MAP2: variants seen among roughly 807,000 people sequenced by gnomAD.
MAP2 encodes the protein microtubule associated protein 2, also known as microtubule-associated protein 2.
Under a neutral mutation model 137.6 loss-of-function variants are expected in MAP2, and 14 were observed. That is an observed-to-expected ratio of 0.10 (90% CI 0.07 to 0.16). The LOEUF is 0.16. Among genes scored for constraint, MAP2 ranks in the 10% least tolerant of loss-of-function variants. The pLI, the probability that MAP2 is intolerant of heterozygous loss-of-function variation, is 1.00. For missense variants in MAP2, 2,088 were observed against 2,191.5 expected (o/e 0.95, Z 0.94); for synonymous variants, 786 against 782.3 (o/e 1.00, Z -0.08).
intron 13 of MAP2, among the ~76,000 whole-genome samples, chr2:209,712,286 T>C (rs1407630542): frequency 2.0e-5 from 3 of 152,086 alleles, no homozygotes; most frequent in Non-Finnish European, 2.9e-5. Flanking sequence ...TCTCATACTT[T>C]TGAGCTGAAC....
At position 209,710,034 on chromosome 2, in the gene MAP2, G is replaced by T; in HGVS notation, c.4853G>T (p.Gly1618Val). 1 of 1,613,892 alleles carries T rather than the reference G, an allele frequency of 6.2e-7. No individual in the cohort carries two copies. The highest frequency in any genetic ancestry group is 8.5e-7 in the Non-Finnish European group (1 of 1,179,982). ...TCTTCACGCACACCAGGCACTCCTGGAACCCCTAGCTATCCCAGGACCCCT... is the reference window on the plus strand; with the variant it reads ...TCTTCACGCACACCAGGCACTCCTGTAACCCCTAGCTATCCCAGGACCCCT... ...SYSSRTPGTP[G>V]TPSYPRTPHT... Residue 1618 changes from glycine to valine, a missense_variant, in exon 13 of 16, where the codon GGA (glycine) becomes GTA (valine). Gly to Val is a moderately radical substitution (Grantham distance 109). Coordinates refer to ENST00000682079, the MANE Select transcript of MAP2 (RefSeq NM_001375505.1).
At chr2:209,632,322 A>G (rs979176934) in intron 4 of MAP2, among the ~76,000 whole-genome samples, 19 of 152,144 alleles carry the variant, frequency 1.2e-4, no homozygotes, top group Admixed American at 9.8e-4. Flanking sequence ...GAAAAGAGCA[A>G]AGAACATTAG....
chr2:209,525,336 C>T (rs900673615), intron 2 of MAP2, among the ~76,000 whole-genome samples: 9 of 151,988 alleles, frequency 5.9e-5, no homozygotes, highest in African/African-American at 1.9e-4. Context: ...CTAATTTTAT[C>T]TAGGCATAAA....
At chr2:209,616,127 C>A (rs1039577941) in intron 3 of MAP2, among the ~76,000 whole-genome samples, 3 of 152,178 alleles carry the variant, frequency 2.0e-5, no homozygotes, top group African/African-American at 7.2e-5. Flanking sequence ...GGGCATGGTA[C>A]AAGAGCTCGG....
At chr2:209,680,888 A>G (rs2054275889) in intron 7 of MAP2, 61 bp downstream of exon 7, 8 of 1,398,108 alleles carry the variant, frequency 5.7e-6, no homozygotes, top group African/African-American at 5.7e-5. Context: ...ATAAACTTCA[A>G]TCAATAAGCT....
chr2:209,608,796 A>T (rs929755187), intron 3 of MAP2, among the ~76,000 whole-genome samples: 1 of 151,954 alleles, frequency 6.6e-6, no homozygotes, highest in East Asian at 1.9e-4. Flanking sequence ...CTACATTTCC[A>T]TTTCTATCTC....
intron 3 of MAP2, among the ~76,000 whole-genome samples, chr2:209,585,093 T>C (rs947498473): frequency 1.3e-5 from 2 of 151,992 alleles, no homozygotes; most frequent in East Asian, 3.9e-4. Flanking sequence ...GGCTCGTAGA[T>C]TGCAGAACAT....
chr2:209,424,890 G>T (rs572170966), intron 1 of MAP2, among the ~76,000 whole-genome samples: 1 of 152,326 alleles, frequency 6.6e-6, no homozygotes, highest in African/African-American at 2.4e-5. Context: ...CTTCCACACA[G>T]TCGTTTTTCT....
In MAP2 at chr2:209,696,070, T is replaced by G; in HGVS notation, c.3900T>G (p.Asp1300Glu). 1 of 1,613,986 alleles carries G rather than the reference T, an allele frequency of 6.2e-7. No homozygotes were observed. The highest frequency in any genetic ancestry group is 8.5e-7 in the Non-Finnish European group (1 of 1,179,980). Residue 1300 changes from aspartate (D) to glutamate (E), a missense_variant, in exon 8 of 16, where the codon GAT becomes GAG. Around this residue, in one of 6 missense-constraint regions of MAP2, gnomAD observed 591 missense variants for 642.6 expected, o/e 0.92. Coordinates refer to ENST00000682079, the MANE Select transcript of MAP2 (RefSeq NM_001375505.1). ...TCACTGTAGTGCAAACCACAACTGA[T>G]GAAGGGGAGTCAGGGTCCCACAGCG... ...DFITVVQTTT[D>E]EGESGSHSVR... is the part of the protein sequence containing the mutation.
At chr2:209,429,039 C>T (rs1317962580) in intron 1 of MAP2, among the ~76,000 whole-genome samples, 6 of 151,984 alleles carry the variant, frequency 3.9e-5, no homozygotes, top group Admixed American at 2.0e-4. Flanking sequence ...CTGCAAGCTC[C>T]GCCCCCCGGG....
At chr2:209,552,228 CT>C (rs34006754) in intron 2 of MAP2, among the ~76,000 whole-genome samples, 7 of 151,192 alleles carry the variant, frequency 4.6e-5, no homozygotes, top group Non-Finnish European at 8.9e-5. Flanking sequence ...GCCTTTTAAA[CT>C]TTTTTTTTGT....
At chr2:209,436,029 T>TATACAGTATATATTATATATC (rs1163242576) in intron 1 of MAP2, among the ~76,000 whole-genome samples, 1 of 142,072 alleles carries the variant, frequency 7.0e-6, no homozygotes, top group African/African-American at 2.6e-5. Context: ...ATATAAAATA[T>TATACAGTATATATTATATATC]ATATATATGT....
At chr2:209,658,113 G>A (rs748676699) in intron 5 of MAP2, among the ~76,000 whole-genome samples, 46 of 152,258 alleles carry the variant, frequency 3.0e-4, no homozygotes, top group East Asian at 5.8e-4. Flanking sequence ...GCCCAAACTC[G>A]TATTAGAACT....
rs1346715614 is a variant in MAP2, at chr2:209,613,792, G to A, written c.-106-11261G>A. Reference sequence around the variant, plus strand: ...CAGTGTGAGGTTGAAACCTACCTCTGAAGCAAACTTTTGTGCCTGCAAATA... The same window carrying A: ...CAGTGTGAGGTTGAAACCTACCTCTAAAGCAAACTTTTGTGCCTGCAAATA... On this transcript the variant is annotated intron_variant, in intron 3 of 15. Transcript: ENST00000682079. 3.3e-5 allele frequency among the ~76,000 whole-genome samples: 5 copies of A among 152,258 alleles called. No individual in the cohort carries two copies. The East Asian group carries it at 9.6e-4, about 29-fold the overall frequency.
rs2064927305 is a variant in MAP2, at chr2:209,710,064, C to A, written c.4883C>A (p.Thr1628Lys). ...GTPSYPRTPHTPGTPKSAILV... is the reference protein window; with the variant it reads ...GTPSYPRTPHKPGTPKSAILV... ...CCTAGCTATCCCAGGACCCCTCACACACCAGGAACCCCCAAGTCTGCCATC... is the reference window on the plus strand; with the variant it reads ...CCTAGCTATCCCAGGACCCCTCACAAACCAGGAACCCCCAAGTCTGCCATC... The change falls in exon 13 of 16, where the codon ACA (threonine) becomes AAA (lysine). Residue 1628 changes from threonine to lysine, a missense_variant. Thr to Lys is a moderately conservative substitution (Grantham distance 78). Around this residue, in one of 6 missense-constraint regions of MAP2, gnomAD observed 591 missense variants for 642.6 expected, o/e 0.92. Transcript: ENST00000682079. The A allele has an allele frequency of 6.2e-7, 1 of 1,613,936 alleles. No homozygotes were observed. Among genetic ancestry groups the A allele is most frequent in the Non-Finnish European group, 8.5e-7 (1 of 1,180,028 alleles).
chr2:209,553,801 C>A (rs891667039), intron 2 of MAP2, among the ~76,000 whole-genome samples: 9 of 152,138 alleles, frequency 5.9e-5, no homozygotes, highest in African/African-American at 2.2e-4. Flanking sequence ...AAAGAAGAAG[C>A]ATCTCTTAAT....
At chr2:209,480,230 T>C (rs1250735354) in intron 1 of MAP2, among the ~76,000 whole-genome samples, 2 of 152,128 alleles carry the variant, frequency 1.3e-5, no homozygotes, top group African/African-American at 2.4e-5. Flanking sequence ...CAAATAGAAC[T>C]TTAGAATATA....
At position 209,732,589 on chromosome 2, in the gene MAP2, T is replaced by C. The variant is rs1232536856; in HGVS notation, c.*2192T>C. On this transcript the variant is annotated 3_prime_UTR_variant, in exon 16 of 16. Transcript: ENST00000682079. ...AGACTTAGGGTATTTTATTACATGT[T>C]TTCATAGTCTTAAATAGTGATTAAA... 3 of 152,416 alleles carry C rather than the reference T, an allele frequency of 2.0e-5. No homozygotes were observed. The East Asian group carries it at 5.8e-4, about 29-fold the overall frequency. 9.4% of individuals were successfully genotyped at this position (152,416 alleles called of 1,614,324 possible). A position where few individuals can be genotyped will look rare whatever the true frequency, so the allele number is the denominator to read the frequency against.
chr2:209,577,507 G>A (rs2075544483), intron 2 of MAP2, among the ~76,000 whole-genome samples: 2 of 151,970 alleles, frequency 1.3e-5, no homozygotes, highest in Admixed American at 6.6e-5. Flanking sequence ...AAAATATGAA[G>A]GTCAAAATTC....
Sources: allele counts gnomAD v4.1 joint callset (sites outside exome capture counted in the v4.1 genomes callset), GRCh38; gene constraint gnomAD v4.1.1; regional missense constraint gnomAD v4.1.1; transcripts MANE v1.5; gene names NCBI Gene and HGNC (gene_info 2026-07-23, HGNC 2026-07-21).